The following FAM222A variants were observed in gnomAD, a reference collection of about 807,000 sequenced individuals.
FAM222A encodes family with sequence similarity 222 member A.
In FAM222A, 7 loss-of-function variants were observed where a neutral mutation model predicts 25.8. The ratio of observed to expected loss-of-function variants is 0.27; its 90% confidence interval spans 0.15 to 0.51. The LOEUF is 0.51. FAM222A is among the 20% of genes least tolerant of loss of function. FAM222A has a pLI of 0.97. For missense variants in FAM222A, 573 were observed against 640.5 expected (o/e 0.89, Z 1.14); for synonymous variants, 294 against 298.8 (o/e 0.98, Z 0.17).
rs545512808 is a variant in FAM222A at position 109,744,189 on chromosome 12, C to T, written c.43C>T (p.His15Tyr). 5.6e-6 allele frequency: 9 copies of T among 1,613,502 alleles called. No homozygotes were observed. In the East Asian group the frequency reaches 1.3e-4, roughly 24 times the overall value. Residue 15 changes from histidine (H) to tyrosine (Y), a missense_variant, in exon 2 of 3, where the codon CAC becomes TAC. His to Tyr is a moderately conservative substitution (Grantham distance 83). Around this residue, in one of 3 missense-constraint regions of FAM222A, gnomAD observed 112 missense variants for 154.6 expected, o/e 0.72. Coordinates refer to ENST00000538780, the MANE Select transcript of FAM222A (RefSeq NM_032829.3). Reference protein sequence around the residue: ...LQRTQNAPGQHLACPSKSLEL... With the variant: ...LQRTQNAPGQYLACPSKSLEL... ...GAGGACCCAGAACGCCCCGGGCCAA[C>T]ACCTGGCCTGCCCGAGCAAGAGCCT...
chr12:109,755,571 G>A (rs1202495652), intron 2 of FAM222A, among the ~76,000 whole-genome samples: 1 of 151,946 alleles, frequency 6.6e-6, no homozygotes, highest in Admixed American at 6.6e-5. Context: ...CCGGTGATCA[G>A]CCCGCCTCGG....
At chr12:109,737,501 G>C (rs1888118355) in intron 1 of FAM222A, among the ~76,000 whole-genome samples, 1 of 151,830 alleles carries the variant, frequency 6.6e-6, no homozygotes, top group African/African-American at 2.4e-5. Flanking sequence ...CTGGCCTGCT[G>C]GGGTGGGGAC....
At chr12:109,741,415 A>T (rs1592787023) in intron 1 of FAM222A, among the ~76,000 whole-genome samples, 1 of 151,558 alleles carries the variant, frequency 6.6e-6, no homozygotes. Flanking sequence ...CACCCTGAAA[A>T]CCCCTCCCAG....
At chr12:109,747,689 G>A (rs1377527073) in intron 2 of FAM222A, among the ~76,000 whole-genome samples, 1 of 60,044 alleles carries the variant, frequency 1.7e-5, no homozygotes, top group African/African-American at 5.6e-5. Context: ...ACATTGTGTT[G>A]GTTATTTCTG....
At chr12:109,730,219 A>G (rs1045845830) in intron 1 of FAM222A, among the ~76,000 whole-genome samples, 2 of 152,102 alleles carry the variant, frequency 1.3e-5, no homozygotes, top group African/African-American at 4.8e-5. Context: ...ATTATTACGG[A>G]GCCAGGTGAA....
chr12:109,743,764 G>T (rs995012538), intron 1 of FAM222A, among the ~76,000 whole-genome samples: 5 of 152,204 alleles, frequency 3.3e-5, no homozygotes, highest in African/African-American at 1.2e-4. Flanking sequence ...ACAGCCTGCT[G>T]CGGGGCACGG....
intron 1 of FAM222A, among the ~76,000 whole-genome samples, chr12:109,741,267 A>G (rs146179712): frequency 2.2e-4 from 33 of 152,228 alleles, no homozygotes; most frequent in Middle Eastern, 6.8e-3. Flanking sequence ...GGTTGCAGAG[A>G]GAAAAAAGTC....
chr12:109,727,036 C>G (rs1887856869), intron 1 of FAM222A, among the ~76,000 whole-genome samples: 1 of 152,144 alleles, frequency 6.6e-6, no homozygotes, highest in African/African-American at 2.4e-5. Flanking sequence ...GAAGCCGGCT[C>G]CTGCCCAGGT....
chr12:109,740,356 G>A (rs906563094), intron 1 of FAM222A, among the ~76,000 whole-genome samples: 2 of 152,022 alleles, frequency 1.3e-5, no homozygotes, highest in Non-Finnish European at 2.9e-5. Context: ...TGAGGCATGC[G>A]ACGTTTTTCC....
intron 1 of FAM222A, among the ~76,000 whole-genome samples, chr12:109,743,183 A>G (rs1245016643): frequency 6.6e-6 from 1 of 152,024 alleles, no homozygotes; most frequent in Non-Finnish European, 1.5e-5. Flanking sequence ...ACCTCTAGGT[A>G]AGCTCCCACC....
Position 109,768,407 on chromosome 12 carries a change from C to G in FAM222A, c.478C>G (p.Pro160Ala). The G allele has an allele frequency of 1.9e-6, 3 of 1,598,676 alleles. No individual in the cohort carries two copies. Among genetic ancestry groups the G allele is most frequent in the Non-Finnish European group, 2.5e-6 (3 of 1,178,410 alleles). Residue 160 changes from proline (P) to alanine (A), a missense_variant, in exon 3 of 3, where the codon CCC (proline) becomes GCC (alanine). Pro to Ala is a conservative substitution (Grantham distance 27). Transcript: ENST00000538780. ...CAGCACTCTGGGTCCCTTGGCCTAC[C>G]CCAAGCCACCTGAGGCGCCTGCTCC... is the stretch of plus-strand genomic sequence containing the variant. The part of the protein sequence containing the change: ...VPSTLGPLAY[P>A]KPPEAPAPPP...
At chr12:109,750,735 A>T (rs1198544257) in intron 2 of FAM222A, among the ~76,000 whole-genome samples, 2 of 151,852 alleles carry the variant, frequency 1.3e-5, no homozygotes, top group Admixed American at 1.3e-4. Context: ...GTTTCTGCAC[A>T]TTCAGAACGG....
intron 2 of FAM222A, among the ~76,000 whole-genome samples, chr12:109,753,033 G>A (rs1216613242): frequency 6.6e-6 from 1 of 152,160 alleles, no homozygotes; most frequent in African/African-American, 2.4e-5. Flanking sequence ...AACTGCTCAG[G>A]GCCTTCCCCA....
intron 2 of FAM222A, among the ~76,000 whole-genome samples, chr12:109,757,860 G>A (rs577263634): frequency 6.6e-6 from 1 of 152,282 alleles, no homozygotes; most frequent in East Asian, 1.9e-4. Flanking sequence ...AGATGAGGCC[G>A]GGCTGAAGGC....
chr12:109,717,680 C>T (rs895516106), intron 1 of FAM222A, among the ~76,000 whole-genome samples: 2 of 152,164 alleles, frequency 1.3e-5, no homozygotes, highest in African/African-American at 4.8e-5. Context: ...ATCCATTGAT[C>T]TCCTTTGACA....
intron 1 of FAM222A, among the ~76,000 whole-genome samples, chr12:109,731,814 G>A (rs1887954632): frequency 6.6e-6 from 1 of 152,202 alleles, no homozygotes; most frequent in Admixed American, 6.5e-5. Context: ...AGTGAAAAGA[G>A]CGGGGAGAGA....
chr12:109,740,718 A>G (rs915626940), intron 1 of FAM222A, among the ~76,000 whole-genome samples: 8 of 152,134 alleles, frequency 5.3e-5, no homozygotes, highest in African/African-American at 1.4e-4. Flanking sequence ...TTCAACACCT[A>G]TCTAGTAAAT....
intron 1 of FAM222A, among the ~76,000 whole-genome samples, chr12:109,723,002 T>TGGGGGGGGG (rs141202990): frequency 4.8e-5 from 3 of 61,888 alleles, no homozygotes; most frequent in African/African-American, 8.3e-5. Context: ...AGGGAGCGGG[T>TGGGGGGGGG]GGGGGGGGGA....
intron 1 of FAM222A, among the ~76,000 whole-genome samples, chr12:109,717,358 G>A (rs1334456576): frequency 2.6e-5 from 4 of 152,186 alleles, no homozygotes; most frequent in African/African-American, 9.7e-5. Flanking sequence ...TTGGAGGGAG[G>A]CGGTGAAGCT....
Sources: gnomAD v4.1 joint callset for allele counts (sites outside exome capture counted in the v4.1 genomes callset) on GRCh38, gnomAD v4.1.1 for gene constraint, gnomAD v4.1.1 regional missense constraint, MANE v1.5 for transcripts, NCBI Gene and HGNC (gene_info 2026-07-23, HGNC 2026-07-21) for gene names.